Variants in MGAT4C observed in about 807,000 individuals in gnomAD.
The protein encoded by MGAT4C is alpha-1,3-mannosyl-glycoprotein 4-beta-N-acetylglucosaminyltransferase C.
Under a neutral mutation model 40.1 loss-of-function variants are expected in MGAT4C, and 19 were observed. The ratio of observed to expected loss-of-function variants is 0.47; its 90% CI spans 0.33 to 0.70. MGAT4C has a LOEUF of 0.70. Ranked by LOEUF, MGAT4C falls within the 30% of genes least tolerant of loss-of-function variation. MGAT4C has a pLI of 0.02. For missense variants in MGAT4C, 491 were observed against 563.2 expected (o/e 0.87, Z 1.30); for synonymous variants, 181 against 187.1 (o/e 0.97, Z 0.27).
At chr12:86,409,126 A>G (rs572146837) in intron 3 of MGAT4C, among the ~76,000 whole-genome samples, 2 of 152,276 alleles carry the variant, frequency 1.3e-5, no homozygotes, top group East Asian at 3.9e-4. Flanking sequence ...TAAATTCAAC[A>G]GTACTCATTC....
At chr12:86,139,361 C>T (rs1882503478) in intron 1 of MGAT4C, among the ~76,000 whole-genome samples, 2 of 152,094 alleles carry the variant, frequency 1.3e-5, no homozygotes, top group Middle Eastern at 3.4e-3. Context: ...TCATTTATGT[C>T]TGTATCCCTA....
intron 2 of MGAT4C, among the ~76,000 whole-genome samples, chr12:86,485,011 G>T (rs1055436280): frequency 6.6e-6 from 1 of 152,122 alleles, no homozygotes; most frequent in Non-Finnish European, 1.5e-5. Flanking sequence ...CTGCCAGTAT[G>T]TACTACCTGT....
chr12:86,497,177 TTGA>T (rs1238920335), intron 2 of MGAT4C, among the ~76,000 whole-genome samples: 2 of 152,014 alleles, frequency 1.3e-5, no homozygotes, highest in Non-Finnish European at 2.9e-5. Flanking sequence ...TTCCTTGTAA[TTGA>T]TTTTAAATTA....
chr12:86,118,284 C>T (rs560608882), intron 1 of MGAT4C, among the ~76,000 whole-genome samples: 2 of 152,040 alleles, frequency 1.3e-5, no homozygotes, highest in African/African-American at 4.8e-5. Context: ...ATGACTTGTC[C>T]TATTGTTCAG....
At chr12:86,683,220 C>G (rs1950012530) in intron 2 of MGAT4C, among the ~76,000 whole-genome samples, 1 of 152,104 alleles carries the variant, frequency 6.6e-6, no homozygotes, top group African/African-American at 2.4e-5. Context: ...AAACGGAACT[C>G]TATTTGGCAC....
intron 2 of MGAT4C, among the ~76,000 whole-genome samples, chr12:86,545,321 G>T (rs1959187727): frequency 6.6e-6 from 1 of 151,914 alleles, no homozygotes; most frequent in Non-Finnish European, 1.5e-5. Context: ...AGATAATATA[G>T]TACACTTTTT....
At chr12:86,385,849 G>A (rs931912569) in intron 3 of MGAT4C, among the ~76,000 whole-genome samples, 2 of 152,190 alleles carry the variant, frequency 1.3e-5, no homozygotes, top group African/African-American at 4.8e-5. Flanking sequence ...CTGTGACTAA[G>A]ATGTGTGTCT....
At chr12:86,192,953 T>C (rs1318582865) in intron 1 of MGAT4C, among the ~76,000 whole-genome samples, 2 of 152,244 alleles carry the variant, frequency 1.3e-5, no homozygotes, top group Admixed American at 1.3e-4. Context: ...TATTGCTCTA[T>C]CAAATCTTTC....
intron 2 of MGAT4C, among the ~76,000 whole-genome samples, chr12:86,500,958 G>C (rs112574421): frequency 6.6e-6 from 1 of 151,980 alleles, no homozygotes; most frequent in Non-Finnish European, 1.5e-5. Context: ...AAATGAAATA[G>C]ATAATAGTAT....
intron 2 of MGAT4C, among the ~76,000 whole-genome samples, chr12:86,586,786 T>G (rs1324122093): frequency 1.3e-5 from 2 of 152,054 alleles, no homozygotes; most frequent in East Asian, 1.9e-4. Context: ...TCGCCCACTT[T>G]TTGATGGGGT....
At chr12:86,542,605 C>T (rs1186074319) in intron 2 of MGAT4C, among the ~76,000 whole-genome samples, 1 of 152,016 alleles carries the variant, frequency 6.6e-6, no homozygotes, top group Non-Finnish European at 1.5e-5. Flanking sequence ...AGAGTAGTGG[C>T]CATGCCTTTT....
chr12:86,724,597 T>A (rs1018516366), intron 2 of MGAT4C, among the ~76,000 whole-genome samples: 4 of 152,224 alleles, frequency 2.6e-5, no homozygotes, highest in African/African-American at 7.2e-5. Flanking sequence ...ATAGATGCAG[T>A]AGCTGGAGTG....
At chr12:86,457,498 G>A (rs900401108) in intron 2 of MGAT4C, among the ~76,000 whole-genome samples, 2 of 152,134 alleles carry the variant, frequency 1.3e-5, no homozygotes, top group East Asian at 1.9e-4. Context: ...CATAATCTAG[G>A]TGGAAAGACA....
intron 2 of MGAT4C, among the ~76,000 whole-genome samples, chr12:86,637,509 C>G (rs1324371998): frequency 1.3e-5 from 2 of 151,900 alleles, no homozygotes; most frequent in African/African-American, 2.4e-5. Context: ...TATAAAGCTT[C>G]TCCTCCACTT....
At chr12:86,244,994 C>G (rs917863548) in intron 1 of MGAT4C, among the ~76,000 whole-genome samples, 2 of 152,132 alleles carry the variant, frequency 1.3e-5, no homozygotes, top group Admixed American at 1.3e-4. Flanking sequence ...GATGAGGCAA[C>G]TGGGGCACAG....
chr12:86,687,658 T>G (rs1417593663), intron 2 of MGAT4C, among the ~76,000 whole-genome samples: 1 of 152,218 alleles, frequency 6.6e-6, no homozygotes, highest in Admixed American at 6.5e-5. Context: ...TAAGTGAGTT[T>G]CTTAATACTG....
intron 1 of MGAT4C, among the ~76,000 whole-genome samples, chr12:86,792,542 G>A (rs1029700803): frequency 2.6e-5 from 4 of 151,970 alleles, no homozygotes; most frequent in East Asian, 3.9e-4. Flanking sequence ...TCTGGAATTC[G>A]AGTCATTGAT....
chr12:86,326,325 C>T lies in MGAT4C; in HGVS notation c.-57+7740G>A, dbSNP rs932059861. Among the ~76,000 whole-genome samples the T allele has an allele frequency of 2.8e-4, 42 of 151,686 alleles. No homozygotes were observed. The East Asian group carries it at 4.3e-3, about 15-fold the overall frequency. On this transcript the variant is annotated intron_variant, in intron 4 of 7. Transcript: ENST00000548651. ...ACACACACACACACACACACACACA[C>T]ACACACACGGTAATTATGTAAGGTG...
intron 1 of MGAT4C, among the ~76,000 whole-genome samples, chr12:86,765,986 C>A (rs1331324383): frequency 2.6e-5 from 4 of 152,134 alleles, no homozygotes; most frequent in Admixed American, 1.3e-4. Flanking sequence ...CAGCTAACAT[C>A]ATAATGACAG....
Sources: gnomAD v4.1 joint callset for allele counts (sites outside exome capture counted in the v4.1 genomes callset) on GRCh38, gnomAD v4.1.1 for gene constraint, MANE v1.5 for transcripts, NCBI Gene and HGNC (gene_info 2026-07-23, HGNC 2026-07-21) for gene names.